Variants in PXT1 observed in about 807,000 individuals in gnomAD.
PXT1 encodes the protein peroxisomal testis-specific protein 1.
PXT1 carries 11 observed loss-of-function variants against 11.0 expected under a neutral mutation model. The ratio of observed to expected loss-of-function variants is 1.00; its 90% CI spans 0.63 to 1.66. The LOEUF (loss-of-function observed/expected upper bound fraction) is 1.66, where lower values mean the gene tolerates loss of function less well. PXT1 is among the 40% of genes most tolerant of loss of function. The probability of loss-of-function intolerance (pLI) is 0.00; values close to 1 mark genes in which losing one functional copy is unlikely to be tolerated. For missense variants in PXT1, 141 were observed against 155.5 expected, an observed-to-expected ratio of 0.91 and a Z score of 0.49; for synonymous variants, 43 against 51.4, an observed-to-expected ratio of 0.84 and a Z score of 0.70.
At chr6:36,405,852 T>C (rs946531935) in intron 3 of PXT1, among the ~76,000 whole-genome samples, 1 of 152,212 alleles carries the variant, frequency 6.6e-6, no homozygotes, top group African/African-American at 2.4e-5. Flanking sequence ...TTGCCTACAA[T>C]ATTCAGTACG....
At chr6:36,421,049 C>T (rs368126379) in intron 3 of PXT1, among the ~76,000 whole-genome samples, 2 of 144,806 alleles carry the variant, frequency 1.4e-5, no homozygotes, top group African/African-American at 2.6e-5. Flanking sequence ...ATAGAGACTC[C>T]GTCTCAAAAA....
intron 3 of PXT1, among the ~76,000 whole-genome samples, chr6:36,402,955 T>C (rs78907749): frequency 0.032 from 4,767 of 148,718 alleles, 88 homozygotes; most frequent in African/African-American, 0.046. Flanking sequence ...TTCTTTCTTT[T>C]TTTTTTTTTT....
intron 2 of PXT1, among the ~76,000 whole-genome samples, chr6:36,438,114 C>T (rs1774794364): frequency 6.6e-6 from 1 of 152,110 alleles, no homozygotes; most frequent in Non-Finnish European, 1.5e-5. Flanking sequence ...GCCACCGAGC[C>T]CGGCCTATTA....
chr6:36,399,452 T>C (rs1445030293), intron 4 of PXT1, among the ~76,000 whole-genome samples: 2 of 152,248 alleles, frequency 1.3e-5, no homozygotes, highest in Non-Finnish European at 2.9e-5. Flanking sequence ...TGGCCCCCTC[T>C]TGCTTTTATA....
chr6:36,391,827 A>ACACCTG lies in PXT1; in HGVS notation c.347_348insCAGGTG (p.Phe116_Phe117insArgCys). 6.2e-7 allele frequency: 1 copy of ACACCTG among 1,614,016 alleles called. No individual in the cohort carries two copies. The highest frequency in any genetic ancestry group is 1.1e-5 in the South Asian group (1 of 91,076). ...GCAACACCTGAACTCTTCTAAAGAA[A>ACACCTG]AAGAAGACAAAATGATCTAGTGCAT... On this transcript the variant is annotated inframe_insertion, in exon 5 of 5. Transcript: ENST00000454782.
intron 3 of PXT1, among the ~76,000 whole-genome samples, chr6:36,422,444 A>G (rs2127415649): frequency 6.6e-6 from 1 of 152,314 alleles, no homozygotes; most frequent in South Asian, 2.1e-4. Context: ...CAAATCCCCC[A>G]TTATGACATC....
At chr6:36,439,024 A>T (rs1049553660) in intron 1 of PXT1, 138 bp from the exon 2 acceptor site, 1 of 150,068 alleles carries the variant, frequency 6.7e-6, no homozygotes, top group African/African-American at 2.5e-5. Flanking sequence ...TTTTTTTGAG[A>T]CGGAGTCTCG....
At position 36,391,881 on chromosome 6, in the gene PXT1, G is replaced by T; in HGVS notation, c.301-7C>A. The T allele has an allele frequency of 6.6e-7, 1 of 1,507,164 alleles. No homozygotes were observed. 93.4% of individuals were successfully genotyped at this position (1,507,164 alleles called of 1,614,324 possible). A position where few individuals can be genotyped will look rare whatever the true frequency, so the allele number is the denominator to read the frequency against. On this transcript the variant is annotated splice_polypyrimidine_tract_variant and splice_region_variant and intron_variant, in intron 4 of 4. Transcript: ENST00000454782. ...TGCCATCCTGTTGAAGATCCTATTT[G>T]AAAAAAGGGAGACACAGAGAAAGGT...
Position 36,426,085 on chromosome 6 carries a change from T to C in PXT1, c.-3A>G. The C allele has an allele frequency of 6.7e-7, 1 of 1,502,044 alleles. No individual in the cohort carries two copies. 93.0% of individuals were successfully genotyped at this position (1,502,044 alleles called of 1,614,324 possible). On this transcript the variant is annotated 5_prime_UTR_variant, in exon 3 of 5. Coordinates refer to ENST00000454782, the MANE Select transcript of PXT1 (RefSeq NM_152990.4). ...ATGCCATCATGTTTTTTCTTCATGT[T>C]TTTTCCCTGTTGAAAAACATATTTT...
At chr6:36,420,519 C>T (rs750750315) in intron 3 of PXT1, among the ~76,000 whole-genome samples, 6 of 152,058 alleles carry the variant, frequency 3.9e-5, no homozygotes, top group Non-Finnish European at 7.4e-5. Flanking sequence ...TGGAAAGATA[C>T]CTGAGAATCT....
chr6:36,407,576 ATC>A (rs1244441844), intron 3 of PXT1, among the ~76,000 whole-genome samples: 1 of 111,756 alleles, frequency 8.9e-6, no homozygotes, highest in Non-Finnish European at 2.0e-5. Context: ...TTCATGGTTA[ATC>A]TTTTTTTTTT....
chr6:36,436,113 C>CAAAAAAAAAAAAAAAAAAAAAAAAAAG, intron 2 of PXT1, among the ~76,000 whole-genome samples: 1 of 60,092 alleles, frequency 1.7e-5, no homozygotes. Flanking sequence ...AAAAGTAAGC[C>CAAAAAAAAAAAAAAAAAAAAAAAAAAG]AAAAAAAAAA....
At chr6:36,406,406 C>T (rs1006325561) in intron 3 of PXT1, among the ~76,000 whole-genome samples, 13 of 151,988 alleles carry the variant, frequency 8.6e-5, no homozygotes, top group African/African-American at 3.1e-4. Context: ...TATGTTGGGG[C>T]CATGATGAGT....
chr6:36,423,479 T>C (rs1271697190), intron 3 of PXT1, among the ~76,000 whole-genome samples: 2 of 152,146 alleles, frequency 1.3e-5, no homozygotes. Context: ...GGAGCGCACA[T>C]GGCGACGCGG....
At chr6:36,402,383 A>T (rs1015627710) in intron 3 of PXT1, among the ~76,000 whole-genome samples, 7 of 152,226 alleles carry the variant, frequency 4.6e-5, no homozygotes, top group Non-Finnish European at 8.8e-5. Context: ...TCATAGAGAA[A>T]GCAAGAGTTG....
intron 3 of PXT1, among the ~76,000 whole-genome samples, chr6:36,402,213 C>T (rs1300678462): frequency 6.6e-6 from 1 of 152,146 alleles, no homozygotes; most frequent in Non-Finnish European, 1.5e-5. Flanking sequence ...TATAAGTTAA[C>T]ACTTGTTAGG....
intron 2 of PXT1, among the ~76,000 whole-genome samples, chr6:36,428,256 T>C (rs1447062651): frequency 1.3e-5 from 2 of 152,070 alleles, no homozygotes; most frequent in Non-Finnish European, 2.9e-5. Flanking sequence ...CCATCCTGGC[T>C]AACACGGTGA....
chr6:36,400,148 A>G (rs573503474), intron 4 of PXT1, among the ~76,000 whole-genome samples: 2 of 152,316 alleles, frequency 1.3e-5, no homozygotes, highest in African/African-American at 4.8e-5. Flanking sequence ...ATGTGTAAAA[A>G]GGTAGATTCT....
intron 2 of PXT1, among the ~76,000 whole-genome samples, chr6:36,432,660 T>C (rs1035862070): frequency 3.3e-5 from 5 of 152,270 alleles, no homozygotes; most frequent in African/African-American, 1.2e-4. Flanking sequence ...AATGTAGTGC[T>C]TCAAAAAGGA....
Sources: gnomAD v4.1 joint callset for allele counts (sites outside exome capture counted in the v4.1 genomes callset) on GRCh38, gnomAD v4.1.1 for gene constraint, MANE v1.5 for transcripts, NCBI Gene and HGNC (gene_info 2026-07-23, HGNC 2026-07-21) for gene names.